Variants in ZNF8 observed in about 807,000 individuals in gnomAD.
ZNF8 encodes the protein zinc finger protein 8, also known as zinc finger protein 272.
ZNF8 carries 9 observed loss-of-function variants against 12.2 expected under a neutral mutation model. The observed-to-expected ratio is 0.73, with a 90% CI of 0.44 to 1.28. The LOEUF (loss-of-function observed/expected upper bound fraction) is 1.28. Ranked by LOEUF, ZNF8 falls within the 50% of genes most tolerant of loss-of-function variation. The pLI, the probability that ZNF8 is intolerant of heterozygous loss-of-function variation, is 0.00. For synonymous variants in ZNF8, 274 were observed against 282.3 expected, an observed-to-expected ratio of 0.97 and a Z score of 0.30; for missense variants, 664 against 729.1, an observed-to-expected ratio of 0.91 and a Z score of 1.03.
chr19:58,279,692 G>T, intron 1 of ZNF8: 2 of 1,530,486 alleles, frequency 1.3e-6, no homozygotes, highest in South Asian at 1.2e-5. Flanking sequence ...TGACCACCAG[G>T]GTCGTCCCCT....
At chr19:58,287,337 C>CT (rs35511685) in intron 3 of ZNF8, among the ~76,000 whole-genome samples, 1,759 of 117,760 alleles carry the variant, frequency 0.015, 70 homozygotes, top group African/African-American at 0.048. Flanking sequence ...CCATGCCCAG[C>CT]TTTTTTTTTT....
In ZNF8 at chr19:58,295,475, T is replaced by C. The variant is rs774142178; in HGVS notation, c.1667T>C (p.Ile556Thr). 1 of 1,612,886 alleles carries C rather than the reference T, an allele frequency of 6.2e-7. No homozygotes were observed. Among genetic ancestry groups the C allele is most frequent in the Non-Finnish European group, 8.5e-7 (1 of 1,179,642 alleles). ...CAAGAGAAAAACCCTGTGCACGTTA[T>C]TGGGGTGGAAGAGCCTTCTGTGGGT... Reference protein sequence around the residue: ...IMQEKNPVHVIGVEEPSVGAS... With the variant: ...IMQEKNPVHVTGVEEPSVGAS... Residue 556 changes from isoleucine (I) to threonine (T), a missense_variant, in exon 4 of 4, where the codon ATT becomes ACT. Transcript: ENST00000621650.
intron 1 of ZNF8, among the ~76,000 whole-genome samples, chr19:58,282,589 C>CT (rs1414237057): frequency 6.6e-6 from 1 of 152,080 alleles, no homozygotes; most frequent in Non-Finnish European, 1.5e-5. Context: ...CTGTTTTCCT[C>CT]TAAGAGTTTT....
chr19:58,288,155 T>C (rs1003989952), intron 3 of ZNF8, among the ~76,000 whole-genome samples: 1 of 152,072 alleles, frequency 6.6e-6, no homozygotes, highest in African/African-American at 2.4e-5. Context: ...CCACTGTACC[T>C]GGTCACATGT....
rs1243269075 is a variant in ZNF8, at chr19:58,296,354, T to G, written c.*818T>G. The G allele has an allele frequency of 1.3e-5, 2 of 152,142 alleles. No homozygotes were observed. The highest frequency in any genetic ancestry group is 4.8e-5 in the African/African-American group (2 of 41,430). The allele number at this position is 152,142 out of a possible 1,614,324, so 9.4% of individuals were successfully genotyped here. On this transcript the variant is annotated 3_prime_UTR_variant, in exon 4 of 4. Transcript: ENST00000621650. ...ATTCCGTGCAGGGGAGTGTCACAGC[T>G]CCTCTTGAAAAACATCTGGTGTTGC...
chr19:58,289,157 C>T (rs2051402180), intron 3 of ZNF8, among the ~76,000 whole-genome samples: 1 of 152,158 alleles, frequency 6.6e-6, no homozygotes, highest in African/African-American at 2.4e-5. Flanking sequence ...GTATTAGTTT[C>T]CTGTTGCTCC....
intron 3 of ZNF8, among the ~76,000 whole-genome samples, chr19:58,287,934 C>T (rs576272277): frequency 1.5e-5 from 2 of 136,246 alleles, no homozygotes; most frequent in South Asian, 2.3e-4. Context: ...AAACTAACTC[C>T]TGGGCTCAAG....
chr19:58,279,383 C>A (rs1409012597), intron 1 of ZNF8: 90 of 1,450,968 alleles, frequency 6.2e-5, no homozygotes, highest in Non-Finnish European at 7.9e-5. Flanking sequence ...GCTCTGTCCT[C>A]CCCAGGGCTG....
chr19:58,297,773 C>T lies in ZNF8; in HGVS notation c.*2237C>T, dbSNP rs2051464766. On this transcript the variant is annotated 3_prime_UTR_variant, in exon 4 of 4. Coordinates refer to ENST00000621650, the MANE Select transcript of ZNF8 (RefSeq NM_021089.3). ...TTTTTGCTGGTACTCCCATCTACCT[C>T]CCCACCATTCTCCTTCCCTGGATAT... 6.6e-6 allele frequency: 1 copy of T among 152,246 alleles called. No individual in the cohort carries two copies. 9.4% of individuals were successfully genotyped at this position (152,246 alleles called of 1,614,324 possible). A position where few individuals can be genotyped will look rare whatever the true frequency, so the allele number is the denominator to read the frequency against.
intron 3 of ZNF8, among the ~76,000 whole-genome samples, chr19:58,291,569 G>A (rs1471086651): frequency 3.3e-5 from 5 of 152,222 alleles, no homozygotes; most frequent in Admixed American, 6.5e-5. Context: ...TTCCATGGAT[G>A]TTCCTGAGGA....
intron 3 of ZNF8, among the ~76,000 whole-genome samples, chr19:58,288,050 A>G (rs2051395722): frequency 1.4e-5 from 2 of 141,824 alleles, no homozygotes; most frequent in East Asian, 2.1e-4. Flanking sequence ...AATAGAGATG[A>G]GATCTTTCTA....
chr19:58,294,789 C>A lies in ZNF8; in HGVS notation c.981C>A (p.His327Gln). The change falls in exon 4 of 4, where the codon CAC becomes CAA. Residue 327 changes from histidine to glutamine, a missense_variant. His to Gln is a conservative substitution (Grantham distance 24, BLOSUM62 0). Around this residue, in one of 3 missense-constraint regions of ZNF8, gnomAD observed 133 missense variants for 198.4 expected, o/e 0.67. Coordinates refer to ENST00000621650, the MANE Select transcript of ZNF8 (RefSeq NM_021089.3). This position sits in a 1 kb window ranked among gnomAD's most constrained non-coding sequence, Gnocchi z 5.5. ...GGAAGTCTTTCTGCCATAGTACACA[C>A]CTTACCGTCCATCGGAGGATTCACA... ...ECGKSFCHST[H>Q]LTVHRRIHTG... is the part of the protein sequence containing the mutation. 2 of 1,614,190 alleles carry A rather than the reference C, an allele frequency of 1.2e-6. No individual in the cohort carries two copies. Among genetic ancestry groups the A allele is most frequent in the Non-Finnish European group, 1.7e-6 (2 of 1,180,038 alleles).
rs773199651 is a variant in ZNF8, at chr19:58,290,108, CTTTTTTTTTT to C, written c.289+3917_289+3926del. Reference sequence around the variant, plus strand: ...ACCGCGCCTGGCCCATTTCAAGATTCTTTTTTTTTTTTTTTTTTTTTTTGAGACGGAGTCT... The same window carrying C: ...ACCGCGCCTGGCCCATTTCAAGATTCTTTTTTTTTTTTTGAGACGGAGTCT... On this transcript the variant is annotated intron_variant, in intron 3 of 3. Coordinates refer to ENST00000621650, the MANE Select transcript of ZNF8 (RefSeq NM_021089.3). Among the ~76,000 whole-genome samples the C allele has an allele frequency of 1.4e-4, 10 of 73,434 alleles. No individual in the cohort carries two copies. The East Asian group carries it at 3.0e-3, about 22-fold the overall frequency. 48.2% of individuals were successfully genotyped at this position (73,434 alleles called of 152,430 possible).
At chr19:58,287,935 T>C (rs1364479556) in intron 3 of ZNF8, among the ~76,000 whole-genome samples, 1 of 142,698 alleles carries the variant, frequency 7.0e-6, no homozygotes, top group Non-Finnish European at 1.5e-5. Context: ...AACTAACTCC[T>C]GGGCTCAAGC....
chr19:58,290,700 C>T (rs2051414295), intron 3 of ZNF8, among the ~76,000 whole-genome samples: 1 of 152,038 alleles, frequency 6.6e-6, no homozygotes, highest in Admixed American at 6.6e-5. Flanking sequence ...TTCAAGGCTA[C>T]AGTGAGCTAC....
rs888178608 is a variant in ZNF8, at chr19:58,300,457, G to A, written c.*4921G>A. 6.6e-6 allele frequency: 1 copy of A among 152,264 alleles called. No individual in the cohort carries two copies. Among genetic ancestry groups the A allele is most frequent in the African/African-American group, 2.4e-5 (1 of 41,458 alleles). The allele number at this position is 152,264 out of a possible 1,614,324, so 9.4% of individuals were successfully genotyped here. On this transcript the variant is annotated 3_prime_UTR_variant, in exon 4 of 4. Transcript: ENST00000621650. ...GTTTAAAGGAAAAACATTCCCAGAA[G>A]CCTGCAGCACATGCCCCCCTTAGTC...
chr19:58,284,327 C>G (rs867664053), intron 1 of ZNF8, among the ~76,000 whole-genome samples: 10 of 152,232 alleles, frequency 6.6e-5, no homozygotes, highest in South Asian at 2.1e-4. Context: ...ATGTGGCTAT[C>G]CAGATGTCCT....
rs144830994 is a variant in ZNF8 at position 58,287,164 on chromosome 19, C to T, written c.289+959C>T. On this transcript the variant is annotated intron_variant, in intron 3 of 3. Coordinates refer to ENST00000621650, the MANE Select transcript of ZNF8 (RefSeq NM_021089.3). ...AAATGATCCTCCCACCTCACCCTCC[C>T]GAGTAGCTGGGATTACAGACATGCA... Among the ~76,000 whole-genome samples, 38 of 152,178 alleles carry T rather than the reference C, an allele frequency of 2.5e-4. No individual in the cohort carries two copies. The East Asian group carries it at 7.2e-3, about 29-fold the overall frequency.
At chr19:58,282,146 A>G (rs1026709297) in intron 1 of ZNF8, among the ~76,000 whole-genome samples, 6 of 108,968 alleles carry the variant, frequency 5.5e-5, no homozygotes, top group African/African-American at 2.0e-4. Flanking sequence ...AGTATTTAGT[A>G]TATGTGGTTT....
Sources: gnomAD v4.1 joint callset for allele counts (sites outside exome capture counted in the v4.1 genomes callset) on GRCh38, gnomAD v4.1.1 for gene constraint, gnomAD v4.1.1 regional missense constraint, Gnocchi (gnomAD v3.1) non-coding constraint, MANE v1.5 for transcripts, NCBI Gene and HGNC (gene_info 2026-07-23, HGNC 2026-07-21) for gene names.